Variants in BRINP1 observed in about 807,000 individuals in gnomAD.
BRINP1 encodes BMP/retinoic acid inducible neural specific 1.
A neutral mutation model predicts 72.9 loss-of-function variants in BRINP1; 17 were observed. The observed-to-expected ratio is 0.23, with a 90% CI of 0.16 to 0.35. BRINP1 has a LOEUF of 0.35. Among genes scored for constraint, BRINP1 ranks in the 10% least tolerant of loss-of-function variants. The pLI is 1.00. For synonymous variants in BRINP1, 418 were observed against 378.5 expected (o/e 1.10, Z -1.21); for missense variants, 850 against 1,001.6 (o/e 0.85, Z 2.04).
chr9:119,226,332 C>G (rs532306057), intron 5 of BRINP1, among the ~76,000 whole-genome samples: 2 of 152,044 alleles, frequency 1.3e-5, no homozygotes, highest in African/African-American at 4.8e-5. Flanking sequence ...ATGAGATCGA[C>G]AAGGAATCTA....
chr9:119,299,599 C>T (rs911144072), intron 2 of BRINP1, among the ~76,000 whole-genome samples: 4 of 139,460 alleles, frequency 2.9e-5, no homozygotes, highest in Non-Finnish European at 6.0e-5. Context: ...GGTGACACGG[C>T]GAGACTCCGT....
At position 119,369,430 on chromosome 9, in the gene BRINP1, G is replaced by A. The variant is rs1831732849; in HGVS notation, c.-425C>T. ...GTGGGGTCCGGGAGCGAGGCGGCTG[G>A]CGAATGGAGAGGGAAGTCCAAGTGC... On this transcript the variant is annotated 5_prime_UTR_variant, in exon 1 of 8. Transcript: ENST00000265922. 2.5e-6 allele frequency: 1 copy of A among 394,872 alleles called. No individual in the cohort carries two copies. The highest frequency in any genetic ancestry group is 4.5e-6 in the Non-Finnish European group (1 of 224,172). 24.5% of individuals were successfully genotyped at this position (394,872 alleles called of 1,614,324 possible).
At chr9:119,210,061 A>G (rs1044141579) in intron 6 of BRINP1, among the ~76,000 whole-genome samples, 1 of 152,182 alleles carries the variant, frequency 6.6e-6, no homozygotes, top group Non-Finnish European at 1.5e-5. Flanking sequence ...CTTTTGTTCT[A>G]TGAATAGGAA....
At chr9:119,170,280 G>A (rs1369721776) in intron 7 of BRINP1, among the ~76,000 whole-genome samples, 1 of 151,956 alleles carries the variant, frequency 6.6e-6, no homozygotes, top group African/African-American at 2.4e-5. Flanking sequence ...ACAGAGAAGT[G>A]CTTAAAGGAG....
chr9:119,181,104 C>G (rs922940114), intron 7 of BRINP1, among the ~76,000 whole-genome samples: 1 of 152,124 alleles, frequency 6.6e-6, no homozygotes. Context: ...GTGCTGAAGA[C>G]AAGTGAAGGA....
At chr9:119,308,683 AC>A (rs1289108326) in intron 2 of BRINP1, among the ~76,000 whole-genome samples, 1 of 152,226 alleles carries the variant, frequency 6.6e-6, no homozygotes, top group Non-Finnish European at 1.5e-5. Context: ...AATATGCAAT[AC>A]AGCCAGGCAA....
intron 7 of BRINP1, among the ~76,000 whole-genome samples, chr9:119,178,710 G>T (rs1048377774): frequency 2.6e-5 from 4 of 152,096 alleles, no homozygotes; most frequent in Admixed American, 1.3e-4. Flanking sequence ...TACAGGCAAA[G>T]AAAAATGAGT....
At chr9:119,253,721 G>A (rs1830416807) in intron 2 of BRINP1, among the ~76,000 whole-genome samples, 1 of 152,178 alleles carries the variant, frequency 6.6e-6, no homozygotes, top group South Asian at 2.1e-4. Flanking sequence ...GTGCAAAAAT[G>A]GAGGTGAAAG....
intron 1 of BRINP1, among the ~76,000 whole-genome samples, chr9:119,327,483 C>T (rs969283746): frequency 6.6e-6 from 1 of 152,182 alleles, no homozygotes; most frequent in Admixed American, 6.5e-5. Context: ...TCCATGGGAT[C>T]ACAGGGAACC....
chr9:119,339,406 A>G (rs944006197), intron 1 of BRINP1, among the ~76,000 whole-genome samples: 3 of 152,236 alleles, frequency 2.0e-5, no homozygotes, highest in African/African-American at 7.2e-5. Context: ...TTGATTATTT[A>G]TTATTAGTCT....
At chr9:119,175,759 C>T (rs1211408108) in intron 7 of BRINP1, among the ~76,000 whole-genome samples, 1 of 152,138 alleles carries the variant, frequency 6.6e-6, no homozygotes. Context: ...AGAGGCCTCT[C>T]ATCTTTCCTT....
chr9:119,269,765 T>C (rs1830589684), intron 2 of BRINP1, among the ~76,000 whole-genome samples: 1 of 152,168 alleles, frequency 6.6e-6, no homozygotes, highest in African/African-American at 2.4e-5. Context: ...GATTCATTCA[T>C]TCATTCAATA....
At position 119,235,228 on chromosome 9, in the gene BRINP1, C is replaced by T. The variant is rs975486991; in HGVS notation, c.685+3427G>A. ...TTCATGCTACTTCTTTTTAAAAAAC[C>T]ATTCCATGGTATCCATTGCTCTCAA... On this transcript the variant is annotated intron_variant, in intron 5 of 7. Coordinates refer to ENST00000265922, the MANE Select transcript of BRINP1 (RefSeq NM_014618.3). Among the ~76,000 whole-genome samples the T allele has an allele frequency of 6.6e-5, 10 of 152,140 alleles. No homozygotes were observed. In the South Asian group the frequency reaches 1.7e-3, roughly 25 times the overall value.
At chr9:119,213,819 T>C in intron 6 of BRINP1, 100 bp downstream of exon 6, 1 of 1,049,580 alleles carries the variant, frequency 9.5e-7, no homozygotes, top group Non-Finnish European at 1.5e-6. Flanking sequence ...TCAGGGTCAC[T>C]GAACTTTCCC....
chr9:119,329,074 C>T (rs1023606913), intron 1 of BRINP1, among the ~76,000 whole-genome samples: 1 of 152,176 alleles, frequency 6.6e-6, no homozygotes, highest in African/African-American at 2.4e-5. Context: ...AAGATAGAAA[C>T]AGGCACTACA....
At chr9:119,284,394 C>T (rs1158420260) in intron 2 of BRINP1, among the ~76,000 whole-genome samples, 1 of 152,206 alleles carries the variant, frequency 6.6e-6, no homozygotes, top group Non-Finnish European at 1.5e-5. Context: ...GCAATACCAG[C>T]TGTGCCCTAG....
At chr9:119,330,557 T>A (rs138709977) in intron 1 of BRINP1, among the ~76,000 whole-genome samples, 215 of 152,336 alleles carry the variant, frequency 1.4e-3, no homozygotes, top group East Asian at 0.013. Context: ...CTTCTTTGTG[T>A]TTCTATCTCA....
chr9:119,226,839 A>G (rs190058865), intron 5 of BRINP1, among the ~76,000 whole-genome samples: 1 of 152,052 alleles, frequency 6.6e-6, no homozygotes, highest in Non-Finnish European at 1.5e-5. Flanking sequence ...AGGGCTATAT[A>G]AATTCCTGAT....
intron 2 of BRINP1, among the ~76,000 whole-genome samples, chr9:119,307,085 C>A (rs1300249741): frequency 6.6e-6 from 1 of 151,816 alleles, no homozygotes; most frequent in East Asian, 1.9e-4. Context: ...CTGGAGAAGG[C>A]TATCCTATGC....
Sources: allele counts gnomAD v4.1 joint callset (sites outside exome capture counted in the v4.1 genomes callset), GRCh38; gene constraint gnomAD v4.1.1; transcripts MANE v1.5; gene names NCBI Gene and HGNC (gene_info 2026-07-23, HGNC 2026-07-21).